Variants in GSG1L2 observed in about 807,000 individuals in gnomAD.
The protein encoded by GSG1L2 is germ cell-specific gene 1-like protein 2.
A neutral mutation model predicts 9.0 loss-of-function variants in GSG1L2; 15 were observed. That is an observed-to-expected ratio of 1.67 (90% CI 1.12 to 2.57). GSG1L2 has a LOEUF of 2.57. Among genes scored for constraint, GSG1L2 ranks in the 30% most tolerant of loss-of-function variants. The pLI, the probability that GSG1L2 is intolerant of heterozygous loss-of-function variation, is 0.00. For synonymous variants in GSG1L2, 127 were observed against 57.9 expected, an observed-to-expected ratio of 2.19 and a Z score of -5.41; for missense variants, 286 against 150.3, an observed-to-expected ratio of 1.90 and a Z score of -4.72.
rs1008015488 is a variant in GSG1L2 at position 9,816,984 on chromosome 17, C to T, written c.310+4778G>A. Among the ~76,000 whole-genome samples the T allele has an allele frequency of 2.0e-5, 3 of 148,062 alleles. No individual in the cohort carries two copies. In the Admixed American group the frequency reaches 2.1e-4, roughly 10 times the overall value. ...TTTGCAGAAGTGCCAAGGGGACTTC[C>T]TCTAGAGGAAGGAACCTGAAAGAGC... On this transcript the variant is annotated intron_variant, in intron 1 of 4. Coordinates refer to ENST00000399363, the MANE Select transcript of GSG1L2 (RefSeq NM_001310219.2).
chr17:9,809,001 T>C lies in GSG1L2; in HGVS notation c.359-19A>G, dbSNP rs1177400684. ...AAAACACCTGCCAAAGAACGGGATG[T>C]TGGAAACGCTGGACACTTCTAATTC... is the stretch of plus-strand genomic sequence containing the variant. On this transcript the variant is annotated intron_variant, in intron 2 of 4. Transcript: ENST00000399363. 4 of 702,716 alleles carry C rather than the reference T, an allele frequency of 5.7e-6. No individual in the cohort carries two copies. The highest frequency in any genetic ancestry group is 1.7e-5 in the African/African-American group (1 of 57,234). The allele number at this position is 702,716 out of a possible 1,614,324, so 43.5% of individuals were successfully genotyped here.
intron 1 of GSG1L2, among the ~76,000 whole-genome samples, chr17:9,818,722 C>G (rs983539956): frequency 6.6e-6 from 1 of 151,988 alleles, no homozygotes; most frequent in Admixed American, 6.6e-5. Flanking sequence ...CAGGGCTAAA[C>G]TATTCGTGGT....
chr17:9,820,167 A>T lies in GSG1L2; in HGVS notation c.310+1595T>A, dbSNP rs2066583424. ...CTCCACCCCGGCTCTCTTAAATTAG[A>T]ACCTCCAGGACTGGGCACCTGGATA... On this transcript the variant is annotated intron_variant, in intron 1 of 4. Coordinates refer to ENST00000399363, the MANE Select transcript of GSG1L2 (RefSeq NM_001310219.2). This position sits in a 1 kb window ranked among gnomAD's most constrained non-coding sequence, Gnocchi z 4.9. Among the ~76,000 whole-genome samples, 2 of 152,142 alleles carry T rather than the reference A, an allele frequency of 1.3e-5. No individual in the cohort carries two copies. The highest frequency in any genetic ancestry group is 2.9e-5 in the Non-Finnish European group (2 of 68,020).
At chr17:9,811,393 T>C (rs1376083154) in intron 1 of GSG1L2, among the ~76,000 whole-genome samples, 1 of 152,188 alleles carries the variant, frequency 6.6e-6, no homozygotes, top group Non-Finnish European at 1.5e-5. Context: ...GGGGGATAGA[T>C]ACTCTTTGTA....
rs558701746 is a variant in GSG1L2, at chr17:9,808,846, G to A, written c.495C>T (p.Ile165=). Residue 165 remains isoleucine, a synonymous_variant, in exon 3 of 5, where the codon ATC becomes ATT. Transcript: ENST00000399363. ...HWLRVDALVA[I]FMVLAGLLGM... ...GGAAAGTACCTGCCAGCACCATGAA[G>A]ATGGCTACCAAGGCATCCACCCTGA... 3 of 702,788 alleles carry A rather than the reference G, an allele frequency of 4.3e-6. No homozygotes were observed. The highest frequency in any genetic ancestry group is 7.8e-6 in the Non-Finnish European group (3 of 384,988). The allele number at this position is 702,788 out of a possible 1,614,324, so 43.5% of individuals were successfully genotyped here.
chr17:9,816,416 CTG>C (rs150644987), intron 1 of GSG1L2, among the ~76,000 whole-genome samples: 5 of 132,886 alleles, frequency 3.8e-5, no homozygotes, highest in South Asian at 2.4e-4. Flanking sequence ...GTGTGTGTGT[CTG>C]TGTGTGTGCG....
intron 1 of GSG1L2, among the ~76,000 whole-genome samples, chr17:9,812,740 C>T (rs1174095216): frequency 6.6e-6 from 1 of 152,168 alleles, no homozygotes; most frequent in Non-Finnish European, 1.5e-5. Context: ...CCCATCTCAA[C>T]TTCCCAAGTA....
rs1463075748 is a variant in GSG1L2 at position 9,808,820 on chromosome 17, T to C, written c.511+10A>G. The C allele has an allele frequency of 3.8e-5, 27 of 702,768 alleles. No individual in the cohort carries two copies. The highest frequency in any genetic ancestry group is 2.4e-4 in the South Asian group (16 of 67,590). 43.5% of individuals were successfully genotyped at this position (702,768 alleles called of 1,614,324 possible). ...GGGCAGCCTGTTCCAAGGATGCTGT[T>C]GGAAAGTACCTGCCAGCACCATGAA... On this transcript the variant is annotated intron_variant, in intron 3 of 4. Transcript: ENST00000399363.
At chr17:9,815,153 C>T (rs369347093) in intron 1 of GSG1L2, among the ~76,000 whole-genome samples, 3 of 151,960 alleles carry the variant, frequency 2.0e-5, no homozygotes, top group African/African-American at 7.3e-5. Flanking sequence ...TTTGGGAGGC[C>T]GAGGCGGGCG....
intron 1 of GSG1L2, among the ~76,000 whole-genome samples, chr17:9,814,082 C>A (rs554320321): frequency 1.8e-3 from 270 of 152,156 alleles, no homozygotes; most frequent in Non-Finnish European, 2.9e-3. Flanking sequence ...TTACAGGCAC[C>A]CGCCACTATG....
chr17:9,809,651 C>T (rs537006930), intron 2 of GSG1L2: 2 of 152,684 alleles, frequency 1.3e-5, no homozygotes, highest in African/African-American at 2.4e-5. Flanking sequence ...TTTTACAGAG[C>T]GCTGATTGGT....
rs983427668 is a variant in GSG1L2, at chr17:9,818,381, T to A, written c.310+3381A>T. ...GGAGTTTCGCTCTTGTTGCCCAAGCTGGAGTGTAATGGTGCGATCTCGGCT... is the reference window on the plus strand; with the variant it reads ...GGAGTTTCGCTCTTGTTGCCCAAGCAGGAGTGTAATGGTGCGATCTCGGCT... On this transcript the variant is annotated intron_variant, in intron 1 of 4. Coordinates refer to ENST00000399363, the MANE Select transcript of GSG1L2 (RefSeq NM_001310219.2). 2.0e-5 allele frequency among the ~76,000 whole-genome samples: 3 copies of A among 152,182 alleles called. No homozygotes were observed. The East Asian group carries it at 5.8e-4, about 29-fold the overall frequency.
At chr17:9,803,475 A>T (rs977080226) in intron 4 of GSG1L2, among the ~76,000 whole-genome samples, 2 of 152,108 alleles carry the variant, frequency 1.3e-5, no homozygotes, top group Admixed American at 1.3e-4. Context: ...TACACTTTTC[A>T]TCCTTCAAAG....
intron 3 of GSG1L2, 57 bp downstream of exon 3, chr17:9,808,773 C>CG (rs2066525934): frequency 1.4e-6 from 1 of 696,098 alleles, no homozygotes; most frequent in African/African-American, 1.8e-5. Flanking sequence ...CATGTCCAGT[C>CG]TGACACTCTG....
At chr17:9,816,201 G>A (rs2066558719) in intron 1 of GSG1L2, among the ~76,000 whole-genome samples, 1 of 152,212 alleles carries the variant, frequency 6.6e-6, no homozygotes, top group Admixed American at 6.5e-5. Flanking sequence ...ACAGAGAATG[G>A]ACAACGACAG....
intron 1 of GSG1L2, among the ~76,000 whole-genome samples, chr17:9,812,084 C>T (rs542747339): frequency 2.2e-4 from 34 of 152,284 alleles, no homozygotes; most frequent in East Asian, 7.7e-4. Flanking sequence ...ACAGTTCATA[C>T]GCATTTAAAT....
At chr17:9,810,195 TAG>T in intron 2 of GSG1L2, 1 of 273,606 alleles carries the variant, frequency 3.7e-6, no homozygotes, top group South Asian at 6.6e-5. Flanking sequence ...TAGGGAGCTT[TAG>T]AGAGAAGAAA....
rs377057350 is a variant in GSG1L2 at position 9,818,501 on chromosome 17, A to ATTTTTTTTTTTTTT, written c.310+3247_310+3260dup. Among the ~76,000 whole-genome samples the ATTTTTTTTTTTTTT allele has an allele frequency of 8.8e-4, 73 of 82,800 alleles. 1 individual carries two copies. The highest frequency in any genetic ancestry group is 1.3e-3 in the Non-Finnish European group (58 of 45,584). The allele number at this position is 82,800 out of a possible 152,430, so 54.3% of individuals were successfully genotyped here. On this transcript the variant is annotated intron_variant, in intron 1 of 4. Coordinates refer to ENST00000399363, the MANE Select transcript of GSG1L2 (RefSeq NM_001310219.2). Reference sequence around the variant, plus strand: ...GGTGCACACCACCACACACAGCTAAATTTTTTTTTTTTTTTTTTTTTTTTT... The same window carrying ATTTTTTTTTTTTTT: ...GGTGCACACCACCACACACAGCTAAATTTTTTTTTTTTTTTTTTTTTTTTTTTTTTTTTTTTTTT...
rs1435926245 is a variant in GSG1L2, at chr17:9,820,855, A to G, written c.310+907T>C. 1.3e-5 allele frequency among the ~76,000 whole-genome samples: 2 copies of G among 151,888 alleles called. No homozygotes were observed. The highest frequency in any genetic ancestry group is 2.9e-5 in the Non-Finnish European group (2 of 67,962). ...ACCTTTTGTAAAGAGAGGTCTCACT[A>G]TGTTGCCTATGTTGCCAGGCTGGTC... On this transcript the variant is annotated intron_variant, in intron 1 of 4. Coordinates refer to ENST00000399363, the MANE Select transcript of GSG1L2 (RefSeq NM_001310219.2). This position sits in a 1 kb window ranked among gnomAD's most constrained non-coding sequence, Gnocchi z 4.9.
Sources: allele counts gnomAD v4.1 joint callset (sites outside exome capture counted in the v4.1 genomes callset), GRCh38; gene constraint gnomAD v4.1.1; non-coding constraint Gnocchi (gnomAD v3.1); transcripts MANE v1.5; gene names NCBI Gene and HGNC (gene_info 2026-07-23, HGNC 2026-07-21).